Variants in EPHB1 observed in about 807,000 individuals in gnomAD.
The protein encoded by EPHB1 is ephrin type-B receptor 1.
A neutral mutation model predicts 94.4 loss-of-function variants in EPHB1; 30 were observed. The ratio of observed to expected loss-of-function variants is 0.32; its 90% confidence interval spans 0.24 to 0.43. EPHB1 has a LOEUF of 0.43. Ranked by LOEUF, EPHB1 falls within the 20% of genes least tolerant of loss-of-function variation. The pLI is 1.00. For missense variants in EPHB1, 1,055 were observed against 1,308.3 expected (o/e 0.81, Z 2.99); for synonymous variants, 522 against 489.1 (o/e 1.07, Z -0.89).
intron 1 of EPHB1, among the ~76,000 whole-genome samples, chr3:134,858,647 C>T (rs916881478): frequency 6.6e-5 from 10 of 152,204 alleles, no homozygotes; most frequent in Non-Finnish European, 1.5e-4. Context: ...AGCGTCTCTG[C>T]TCTGGAAAGG....
chr3:135,183,026 T>TTTTCTTTC lies in EPHB1; in HGVS notation c.1882+3090_1882+3097dup, dbSNP rs373601553. 3.7e-3 allele frequency among the ~76,000 whole-genome samples: 350 copies of TTTTCTTTC among 94,618 alleles called. 2 individuals are homozygous for TTTTCTTTC. The highest frequency in any genetic ancestry group is 0.012 in the African/African-American group (251 of 21,306). The allele number at this position is 94,618 out of a possible 152,430, so 62.1% of individuals were successfully genotyped here. A position where few individuals can be genotyped will look rare whatever the true frequency, so the allele number is the denominator to read the frequency against. ...TTTTCTTTTCTTTTCTTTTCTTTTC[T>TTTTCTTTC]TTTCTTTCTTTCTTTCTTTCTTTCT... On this transcript the variant is annotated intron_variant, in intron 10 of 15. Transcript: ENST00000398015.
At chr3:135,137,804 C>T (rs781332178) in intron 5 of EPHB1, among the ~76,000 whole-genome samples, 4 of 152,144 alleles carry the variant, frequency 2.6e-5, no homozygotes, top group Non-Finnish European at 5.9e-5. Flanking sequence ...AGCAATTTGC[C>T]GTATTTTTTC....
At chr3:134,824,859 A>G (rs7611548) in intron 1 of EPHB1, among the ~76,000 whole-genome samples, 1,862 of 152,242 alleles carry the variant, frequency 0.012, 44 homozygotes, top group South Asian at 0.079. Flanking sequence ...GCCAGCACCA[A>G]CTGCCAGCCA....
At chr3:134,909,929 A>G (rs908261966) in intron 1 of EPHB1, among the ~76,000 whole-genome samples, 4 of 152,202 alleles carry the variant, frequency 2.6e-5, no homozygotes, top group African/African-American at 9.6e-5. Flanking sequence ...CTTCAGTCCA[A>G]AAGGACCTAG....
At chr3:134,921,574 T>C (rs1305450046) in intron 1 of EPHB1, among the ~76,000 whole-genome samples, 4 of 152,230 alleles carry the variant, frequency 2.6e-5, no homozygotes, top group East Asian at 3.8e-4. Context: ...ATCCCCAACA[T>C]GTGTTATTCC....
At chr3:135,028,217 T>C (rs1410512844) in intron 3 of EPHB1, among the ~76,000 whole-genome samples, 1 of 148,078 alleles carries the variant, frequency 6.8e-6, no homozygotes, top group African/African-American at 2.6e-5. Context: ...TTTGTGTCTC[T>C]ATTTCCTTCA....
At chr3:135,087,299 C>T (rs1938393255) in intron 3 of EPHB1, among the ~76,000 whole-genome samples, 1 of 152,140 alleles carries the variant, frequency 6.6e-6, no homozygotes, top group Non-Finnish European at 1.5e-5. Flanking sequence ...ACTTAGATTC[C>T]TCTGATGAAA....
At chr3:135,090,274 C>T (rs1475090528) in intron 3 of EPHB1, among the ~76,000 whole-genome samples, 5 of 152,310 alleles carry the variant, frequency 3.3e-5, no homozygotes, top group Admixed American at 6.5e-5. Flanking sequence ...TATTCCAGAA[C>T]CTGCAAGCCC....
chr3:135,234,652 C>T (rs1466546332), intron 12 of EPHB1, among the ~76,000 whole-genome samples: 1 of 152,188 alleles, frequency 6.6e-6, no homozygotes, highest in East Asian at 1.9e-4. Flanking sequence ...CACAGTTCAG[C>T]ATGGCTGAGG....
At chr3:134,862,197 G>A (rs565686180) in intron 1 of EPHB1, among the ~76,000 whole-genome samples, 1 of 152,308 alleles carries the variant, frequency 6.6e-6, no homozygotes, top group East Asian at 1.9e-4. Context: ...GCTCAGGGCT[G>A]GGAGAAGCAC....
Position 135,259,035 on chromosome 3 carries a change from C to G in EPHB1, c.2870C>G (p.Thr957Ser). The G allele has an allele frequency of 1.9e-6, 3 of 1,609,318 alleles. No homozygotes were observed. Among genetic ancestry groups the G allele is most frequent in the Non-Finnish European group, 1.7e-6 (2 of 1,178,008 alleles). Reference protein sequence around the residue: ...TSEDLLRIGITLAGHQKKILN... With the variant: ...TSEDLLRIGISLAGHQKKILN... ...AGAGACCTCCTGAGAATAGGCATCACCTTGGCAGGCCATCAGAAGAAGATC... is the reference window on the plus strand; with the variant it reads ...AGAGACCTCCTGAGAATAGGCATCAGCTTGGCAGGCCATCAGAAGAAGATC... Residue 957 changes from threonine to serine, a missense_variant, in exon 16 of 16, where the codon ACC becomes AGC. Physicochemically the swap from Thr to Ser is moderately conservative, Grantham distance 58. Transcript: ENST00000398015.
chr3:135,160,580 A>AT lies in EPHB1; in HGVS notation c.1423-1431dup, dbSNP rs1414770249. Among the ~76,000 whole-genome samples the AT allele has an allele frequency of 3.3e-5, 5 of 152,074 alleles. No individual in the cohort carries two copies. The East Asian group carries it at 9.6e-4, about 29-fold the overall frequency. On this transcript the variant is annotated intron_variant, in intron 6 of 15. Transcript: ENST00000398015. ...GCTCTTCATTTTCACTAAAGTCCCC[A>AT]TTTTTTTCTAGGATTCATGGTGCAG...
At chr3:134,816,031 G>A (rs371241290) in intron 1 of EPHB1, among the ~76,000 whole-genome samples, 324 of 152,282 alleles carry the variant, frequency 2.1e-3, no homozygotes, top group African/African-American at 7.3e-3. Context: ...TCCTCTGCAC[G>A]TTGTCCTTCT....
In EPHB1 at chr3:134,889,650, T is replaced by C. The variant is rs546089352; in HGVS notation, c.59-36166T>C. On this transcript the variant is annotated intron_variant, in intron 1 of 15. Transcript: ENST00000398015. ...CTCTTACAGCTCTTTTTTTTGAAAG[T>C]TTTCCTGGTTATTCTTGCCTATTTA... Among the ~76,000 whole-genome samples, 3 of 151,954 alleles carry C rather than the reference T, an allele frequency of 2.0e-5. No homozygotes were observed. The South Asian group carries it at 6.3e-4, about 32-fold the overall frequency.
At chr3:135,152,067 C>T (rs1012349559) in intron 5 of EPHB1, among the ~76,000 whole-genome samples, 18 of 152,146 alleles carry the variant, frequency 1.2e-4, no homozygotes, top group Non-Finnish European at 2.1e-4. Flanking sequence ...CTTCCAAGCC[C>T]CAAGCCTAAG....
At chr3:134,914,007 G>A (rs2038512357) in intron 1 of EPHB1, among the ~76,000 whole-genome samples, 1 of 152,202 alleles carries the variant, frequency 6.6e-6, no homozygotes, top group East Asian at 1.9e-4. Context: ...GGAGGTGGAG[G>A]CTGTACCGAG....
chr3:135,236,708 T>C (rs1436420237), intron 12 of EPHB1, among the ~76,000 whole-genome samples: 1 of 152,108 alleles, frequency 6.6e-6, no homozygotes, highest in African/African-American at 2.4e-5. Context: ...ACAACAGAAA[T>C]ATTTGGTGAA....
At chr3:135,234,259 G>C (rs1295129052) in intron 12 of EPHB1, among the ~76,000 whole-genome samples, 5 of 152,136 alleles carry the variant, frequency 3.3e-5, no homozygotes. Context: ...TAGGGCAGGG[G>C]CAAAAAGCTG....
Position 135,260,380 on chromosome 3 carries a change from T to C in EPHB1, c.*1260T>C. Reference sequence around the variant, plus strand: ...GTAAATTCCACCTAACATTTAATTATTTTAAATTTCTCCTTTTACCTTAAT... The same window carrying C: ...GTAAATTCCACCTAACATTTAATTACTTTAAATTTCTCCTTTTACCTTAAT... On this transcript the variant is annotated 3_prime_UTR_variant, in exon 16 of 16. Transcript: ENST00000398015. The C allele has an allele frequency of 4.3e-6, 1 of 230,922 alleles. No individual in the cohort carries two copies. The highest frequency in any genetic ancestry group is 8.6e-6 in the Non-Finnish European group (1 of 116,340). The allele number at this position is 230,922 out of a possible 1,614,324, so 14.3% of individuals were successfully genotyped here. A position where few individuals can be genotyped will look rare whatever the true frequency, so the allele number is the denominator to read the frequency against.
Sources: allele counts gnomAD v4.1 joint callset (sites outside exome capture counted in the v4.1 genomes callset), GRCh38; gene constraint gnomAD v4.1.1; transcripts MANE v1.5; gene names NCBI Gene and HGNC (gene_info 2026-07-23, HGNC 2026-07-21).